The following STK39 variants were observed in gnomAD, a reference collection of about 807,000 sequenced individuals.
The protein encoded by STK39 is STE20/SPS1-related proline-alanine-rich protein kinase.
Under a neutral mutation model 77.8 loss-of-function variants are expected in STK39, and 20 were observed. The observed-to-expected ratio is 0.26, with a 90% confidence interval of 0.18 to 0.37. The LOEUF is 0.37. STK39 is among the 10% of genes least tolerant of loss of function. STK39 has a pLI of 1.00. For synonymous variants in STK39, 246 were observed against 234.1 expected (o/e 1.05, Z -0.47); for missense variants, 479 against 656.5 (o/e 0.73, Z 2.95).
intron 12 of STK39, among the ~76,000 whole-genome samples, chr2:168,067,292 G>A (rs939484157): frequency 6.6e-6 from 1 of 152,212 alleles, no homozygotes; most frequent in Non-Finnish European, 1.5e-5. Flanking sequence ...GGATCATGGG[G>A]ATGGATCCCT....
At chr2:168,150,881 G>C (rs1220793398) in intron 5 of STK39, among the ~76,000 whole-genome samples, 1 of 152,006 alleles carries the variant, frequency 6.6e-6, no homozygotes. Flanking sequence ...TACCCCAAGA[G>C]GAACCATGTA....
intron 10 of STK39, among the ~76,000 whole-genome samples, chr2:168,097,912 T>A (rs1303492861): frequency 1.3e-5 from 2 of 152,212 alleles, no homozygotes; most frequent in Non-Finnish European, 2.9e-5. Flanking sequence ...ACTTCCTGTG[T>A]GCTTTTAATT....
At chr2:168,227,550 C>G (rs2390645) in intron 1 of STK39, among the ~76,000 whole-genome samples, 150,950 of 152,368 alleles carry the variant, frequency 0.99, 74,786 homozygotes, top group Middle Eastern at 1. Flanking sequence ...CTCTAGGTTT[C>G]ATACGAAGTC....
chr2:168,117,945 C>T (rs753377809), intron 10 of STK39, among the ~76,000 whole-genome samples: 5 of 152,070 alleles, frequency 3.3e-5, no homozygotes, highest in African/African-American at 4.8e-5. Context: ...AGAGTTTTGA[C>T]AAGATCAAAA....
intron 5 of STK39, among the ~76,000 whole-genome samples, chr2:168,143,564 A>G (rs1185722769): frequency 6.6e-6 from 1 of 152,118 alleles, no homozygotes; most frequent in East Asian, 1.9e-4. Flanking sequence ...AATACAAAAA[A>G]TCAGCTGGGC....
intron 16 of STK39, among the ~76,000 whole-genome samples, chr2:167,977,573 G>GAA (rs749526454): frequency 2.2e-4 from 27 of 124,270 alleles, no homozygotes; most frequent in African/African-American, 2.3e-4. Flanking sequence ...ACTTGCTTCG[G>GAA]AAAAAAAAAA....
At chr2:167,990,818 G>T (rs55774014) in intron 16 of STK39, among the ~76,000 whole-genome samples, 2,141 of 152,184 alleles carry the variant, frequency 0.014, 51 homozygotes, top group African/African-American at 0.049. Context: ...GGATTCATTG[G>T]TCAACAAATT....
intron 2 of STK39, among the ~76,000 whole-genome samples, chr2:168,178,823 T>G (rs1449436207): frequency 6.6e-6 from 1 of 152,158 alleles, no homozygotes; most frequent in African/African-American, 2.4e-5. Flanking sequence ...TACAGGAAAC[T>G]CAACTGACAG....
At chr2:168,026,669 CT>C (rs1378522811) in intron 14 of STK39, among the ~76,000 whole-genome samples, 1 of 152,148 alleles carries the variant, frequency 6.6e-6, no homozygotes, top group African/African-American at 2.4e-5. Context: ...AAAAGGAAGA[CT>C]TTTCCCCCAG....
At chr2:168,141,236 G>C (rs1272705558) in intron 5 of STK39, among the ~76,000 whole-genome samples, 4 of 152,276 alleles carry the variant, frequency 2.6e-5, no homozygotes, top group Non-Finnish European at 4.4e-5. Context: ...TAGGCATACT[G>C]TACAGATTGA....
intron 8 of STK39, among the ~76,000 whole-genome samples, chr2:168,135,516 A>G (rs1400782053): frequency 1.3e-5 from 2 of 152,246 alleles, no homozygotes; most frequent in Non-Finnish European, 2.9e-5. Flanking sequence ...AAGCACAAAA[A>G]GAGGGATAGA....
intron 14 of STK39, among the ~76,000 whole-genome samples, chr2:168,040,759 A>G (rs370603795): frequency 2.7e-4 from 41 of 152,334 alleles, no homozygotes; most frequent in Non-Finnish European, 5.3e-4. Flanking sequence ...CCCCAGGACT[A>G]TCAAGGACTT....
intron 10 of STK39, among the ~76,000 whole-genome samples, chr2:168,100,811 G>A (rs1686803526): frequency 6.6e-6 from 1 of 152,162 alleles, no homozygotes; most frequent in Non-Finnish European, 1.5e-5. Flanking sequence ...ATTCCTCAAG[G>A]ATCTAGAACC....
chr2:168,064,092 C>G (rs1019370401), intron 13 of STK39, among the ~76,000 whole-genome samples: 4 of 152,124 alleles, frequency 2.6e-5, no homozygotes, highest in Admixed American at 2.0e-4. Context: ...CATGAGTAGA[C>G]CTTATTGTTG....
At chr2:168,121,750 T>TAC (rs757100050) in intron 10 of STK39, among the ~76,000 whole-genome samples, 1 of 152,196 alleles carries the variant, frequency 6.6e-6, no homozygotes, top group Non-Finnish European at 1.5e-5. Flanking sequence ...TCTCCTTATT[T>TAC]ACATGACAAT....
intron 10 of STK39, among the ~76,000 whole-genome samples, chr2:168,098,518 T>C (rs941961215): frequency 1.3e-5 from 2 of 152,158 alleles, no homozygotes; most frequent in African/African-American, 2.4e-5. Flanking sequence ...CAATGTCAAG[T>C]GCAGCCCAAT....
Position 167,982,239 on chromosome 2 carries a change from A to G in STK39, c.1499-17513T>C, listed in dbSNP as rs114612545. 9.5e-3 allele frequency among the ~76,000 whole-genome samples: 1,443 copies of G among 152,294 alleles called. 33 individuals carry two copies. Among genetic ancestry groups the G allele is most frequent in the African/African-American group, 0.033 (1,374 of 41,554 alleles). ...ATTAGTCATCCTTTTAGTTTGCATT[A>G]AACCCCTCTGACACCAATGAGCTTT... On this transcript the variant is annotated intron_variant, in intron 16 of 17. Transcript: ENST00000355999.
At chr2:168,156,167 G>C (rs999506437) in intron 5 of STK39, among the ~76,000 whole-genome samples, 2 of 152,170 alleles carry the variant, frequency 1.3e-5, no homozygotes, top group African/African-American at 4.8e-5. Flanking sequence ...TGGAGGAAAT[G>C]ATCATGAAAG....
intron 14 of STK39, among the ~76,000 whole-genome samples, chr2:168,059,155 A>T (rs191576174): frequency 6.6e-6 from 1 of 152,260 alleles, no homozygotes; most frequent in East Asian, 1.9e-4. Flanking sequence ...TGTCTGTTCA[A>T]ATATTACTTT....
Sources: gnomAD v4.1 joint callset for allele counts (sites outside exome capture counted in the v4.1 genomes callset) on GRCh38, gnomAD v4.1.1 for gene constraint, MANE v1.5 for transcripts, NCBI Gene and HGNC (gene_info 2026-07-23, HGNC 2026-07-21) for gene names.